The following CDH12 variants were observed in gnomAD, a reference collection of about 807,000 sequenced individuals.
CDH12 encodes cadherin-12.
A neutral mutation model predicts 74.1 loss-of-function variants in CDH12; 41 were observed. That is an observed-to-expected ratio of 0.55 (90% CI 0.43 to 0.72). CDH12 has a LOEUF of 0.72. Ranked by LOEUF, CDH12 falls within the 30% of genes least tolerant of loss-of-function variation. CDH12 has a pLI of 0.00. For missense variants in CDH12, 945 were observed against 977.2 expected, an observed-to-expected ratio of 0.97 and a Z score of 0.44; for synonymous variants, 399 against 355.0, an observed-to-expected ratio of 1.12 and a Z score of -1.39.
At chr5:22,352,137 T>C (rs1249913242) in intron 3 of CDH12, among the ~76,000 whole-genome samples, 1 of 152,070 alleles carries the variant, frequency 6.6e-6, no homozygotes, top group Non-Finnish European at 1.5e-5. Context: ...TTTTTTTTTT[T>C]TTAATTTGGA....
intron 11 of CDH12, among the ~76,000 whole-genome samples, chr5:21,767,083 A>G (rs1232800036): frequency 6.6e-6 from 1 of 151,940 alleles, no homozygotes; most frequent in Non-Finnish European, 1.5e-5. Flanking sequence ...TTCATTTTAT[A>G]AAGTTTAGTA....
At chr5:22,134,240 C>T (rs546868120) in intron 4 of CDH12, among the ~76,000 whole-genome samples, 1 of 150,870 alleles carries the variant, frequency 6.6e-6, no homozygotes, top group Non-Finnish European at 1.5e-5. Flanking sequence ...TCTACATGCA[C>T]TGATTTGGAA....
At chr5:22,133,685 T>A (rs1190386791) in intron 4 of CDH12, among the ~76,000 whole-genome samples, 1 of 152,084 alleles carries the variant, frequency 6.6e-6, no homozygotes, top group African/African-American at 2.4e-5. Flanking sequence ...AAAGAAGCAA[T>A]TTCATGTGGA....
intron 5 of CDH12, among the ~76,000 whole-genome samples, chr5:22,047,045 C>T (rs1235795860): frequency 6.6e-6 from 1 of 152,142 alleles, no homozygotes; most frequent in East Asian, 1.9e-4. Context: ...ATCCTGAAAA[C>T]ACACACTACT....
At chr5:22,139,649 T>C (rs1746677453) in intron 4 of CDH12, 1 of 147,372 alleles carries the variant, frequency 6.8e-6, no homozygotes, top group Middle Eastern at 3.5e-3. Context: ...GCAGTACTTA[T>C]CAACATCACA....
At chr5:22,852,619 G>T (rs981494243) in intron 1 of CDH12, among the ~76,000 whole-genome samples, 1 of 152,134 alleles carries the variant, frequency 6.6e-6, no homozygotes, top group African/African-American at 2.4e-5. Flanking sequence ...AAATTTCAGC[G>T]TCAGTGGAGA....
At chr5:21,785,458 G>A (rs1201435965) in intron 10 of CDH12, among the ~76,000 whole-genome samples, 1 of 152,204 alleles carries the variant, frequency 6.6e-6, no homozygotes, top group African/African-American at 2.4e-5. Flanking sequence ...CAAAAGCTAG[G>A]CCTCTCATGC....
intron 9 of CDH12, among the ~76,000 whole-genome samples, chr5:21,811,040 T>C (rs938143071): frequency 1.2e-4 from 19 of 152,094 alleles, no homozygotes; most frequent in African/African-American, 4.6e-4. Context: ...GTTAAAAGGC[T>C]CTTTGTGAAG....
intron 1 of CDH12, among the ~76,000 whole-genome samples, chr5:22,658,290 A>G (rs1004312311): frequency 2.0e-5 from 3 of 152,106 alleles, no homozygotes; most frequent in Non-Finnish European, 4.4e-5. Context: ...AAATACCCAT[A>G]TATACACAAT....
intron 1 of CDH12, among the ~76,000 whole-genome samples, chr5:22,642,272 G>C (rs1561546778): frequency 1.3e-5 from 2 of 152,122 alleles, no homozygotes; most frequent in Non-Finnish European, 2.9e-5. Flanking sequence ...AAATTATATA[G>C]AGACATTTGA....
chr5:21,892,945 C>T (rs1213163923), intron 6 of CDH12, among the ~76,000 whole-genome samples: 5 of 152,086 alleles, frequency 3.3e-5, no homozygotes, highest in Admixed American at 3.3e-4. Context: ...GAAAGAGTAA[C>T]CAAACAACCA....
At chr5:22,452,232 T>C (rs1245246868) in intron 2 of CDH12, among the ~76,000 whole-genome samples, 1 of 151,938 alleles carries the variant, frequency 6.6e-6, no homozygotes, top group Non-Finnish European at 1.5e-5. Context: ...CAAAAATTTC[T>C]ATGGAACCAC....
intron 2 of CDH12, among the ~76,000 whole-genome samples, chr5:22,468,920 T>C (rs964221197): frequency 6.6e-6 from 1 of 152,212 alleles, no homozygotes; most frequent in Non-Finnish European, 1.5e-5. Flanking sequence ...CTTTCTATGT[T>C]CCTTTCACAC....
intron 1 of CDH12, among the ~76,000 whole-genome samples, chr5:22,567,831 A>G (rs2126760974): frequency 6.6e-6 from 1 of 152,354 alleles, no homozygotes; most frequent in South Asian, 2.1e-4. Context: ...ATGTAGGATC[A>G]GCACACTGAC....
intron 4 of CDH12, among the ~76,000 whole-genome samples, chr5:22,094,946 CT>C (rs1459692661): frequency 4.6e-5 from 7 of 152,026 alleles, no homozygotes; most frequent in South Asian, 2.1e-4. Context: ...GGGCCCACCC[CT>C]ATCTCCCTTT....
chr5:22,621,612 T>C (rs1018315847), intron 1 of CDH12, among the ~76,000 whole-genome samples: 2 of 152,056 alleles, frequency 1.3e-5, no homozygotes, highest in Non-Finnish European at 2.9e-5. Context: ...ACTAATAAAA[T>C]GGATAATTCT....
At chr5:22,136,277 T>C (rs1340412904) in intron 4 of CDH12, among the ~76,000 whole-genome samples, 1 of 151,914 alleles carries the variant, frequency 6.6e-6, no homozygotes, top group Admixed American at 6.6e-5. Context: ...ATGGACAACA[T>C]GGACATCTAG....
At chr5:22,783,286 C>T (rs908298612) in intron 1 of CDH12, among the ~76,000 whole-genome samples, 1 of 151,262 alleles carries the variant, frequency 6.6e-6, no homozygotes, top group Non-Finnish European at 1.5e-5. Context: ...TTTATAAATA[C>T]ATGAGACACA....
At chr5:22,623,362 G>A (rs545428097) in intron 1 of CDH12, among the ~76,000 whole-genome samples, 1 of 152,300 alleles carries the variant, frequency 6.6e-6, no homozygotes, top group Non-Finnish European at 1.5e-5. Context: ...TAGGAAAAGA[G>A]GAAGTCAAAT....
Sources: gnomAD v4.1 joint callset for allele counts (sites outside exome capture counted in the v4.1 genomes callset) on GRCh38, gnomAD v4.1.1 for gene constraint, MANE v1.5 for transcripts, NCBI Gene and HGNC (gene_info 2026-07-23, HGNC 2026-07-21) for gene names.